CSTF3: variants seen among roughly 807,000 people sequenced by gnomAD.
CSTF3 encodes cleavage stimulation factor subunit 3.
A neutral mutation model predicts 105.8 loss-of-function variants in CSTF3; 29 were observed. The observed-to-expected ratio is 0.27, with a 90% confidence interval of 0.20 to 0.37. CSTF3 has a LOEUF of 0.37. CSTF3 is among the 10% of genes least tolerant of loss of function. CSTF3 has a pLI of 1.00. For synonymous variants in CSTF3, 252 were observed against 281.9 expected (o/e 0.89, Z 1.06); for missense variants, 357 against 879.3 (o/e 0.41, Z 7.51).
chr11:33,104,551 T>G (rs1160273330), intron 8 of CSTF3, among the ~76,000 whole-genome samples: 10 of 152,084 alleles, frequency 6.6e-5, no homozygotes, highest in Non-Finnish European at 1.0e-4. Flanking sequence ...GCGGGCTAAT[T>G]GCTTGAGCTC....
intron 1 of CSTF3, among the ~76,000 whole-genome samples, chr11:33,153,805 G>A (rs1994368): frequency 0.55 from 82,521 of 151,098 alleles, 25,020 homozygotes; most frequent in Non-Finnish European, 0.68. Context: ...CTGAAATTAA[G>A]TTAAAGTAGG....
chr11:33,114,459 A>G (rs1162290814), intron 3 of CSTF3, among the ~76,000 whole-genome samples: 3 of 76,950 alleles, frequency 3.9e-5, no homozygotes, highest in South Asian at 7.3e-4. Flanking sequence ...TCCCTTGGGG[A>G]AAAAAAAATC....
chr11:33,139,514 G>C (rs185074546), intron 3 of CSTF3, among the ~76,000 whole-genome samples: 1 of 151,722 alleles, frequency 6.6e-6, no homozygotes, highest in Non-Finnish European at 1.5e-5. Flanking sequence ...TGAGTGATAT[G>C]ATCAAAGAAA....
At chr11:33,154,279 T>G (rs558668583) in intron 1 of CSTF3, among the ~76,000 whole-genome samples, 1 of 152,172 alleles carries the variant, frequency 6.6e-6, no homozygotes, top group Non-Finnish European at 1.5e-5. Context: ...TTAAGAAATA[T>G]GTACCACCTC....
intron 18 of CSTF3, 64 bp downstream of exon 18, chr11:33,086,924 C>T (rs544167840): frequency 4.6e-5 from 73 of 1,587,354 alleles, no homozygotes; most frequent in Admixed American, 1.8e-4. Flanking sequence ...TTTACCCCCA[C>T]GCTTTGGATT....
chr11:33,109,201 GA>G (rs1396332608), intron 3 of CSTF3, among the ~76,000 whole-genome samples: 1 of 152,156 alleles, frequency 6.6e-6, no homozygotes, highest in Non-Finnish European at 1.5e-5. Context: ...TCTTTTCTTT[GA>G]GTATTTTCAT....
chr11:33,085,279 TTCCTC>T lies in CSTF3; in HGVS notation c.1957_1961del (p.Glu653SerfsTer23). On this transcript the variant is annotated frameshift_variant, in exon 21 of 21. Coordinates refer to ENST00000323959, the MANE Select transcript of CSTF3 (RefSeq NM_001326.3). LOFTEE classifies it high-confidence loss of function. ...CCCCACCAGTAATGATCCTCACAGC[TTCCTC>T]AACAGCTATTAAAACAAAACAACAA... The T allele has an allele frequency of 6.5e-7, 1 of 1,544,350 alleles. No individual in the cohort carries two copies. Among genetic ancestry groups the T allele is most frequent in the Non-Finnish European group, 8.7e-7 (1 of 1,149,224 alleles).
At chr11:33,090,155 G>A (rs906947037) in intron 17 of CSTF3, among the ~76,000 whole-genome samples, 2 of 152,106 alleles carry the variant, frequency 1.3e-5, no homozygotes, top group African/African-American at 4.8e-5. Flanking sequence ...TTTAAGATCT[G>A]TCAAAACATA....
intron 3 of CSTF3, among the ~76,000 whole-genome samples, chr11:33,122,890 T>C (rs1189068142): frequency 7.5e-6 from 1 of 132,762 alleles, no homozygotes; most frequent in African/African-American, 2.9e-5. Context: ...ACTCCAGCCT[T>C]GGCAACACAG....
At chr11:33,108,453 A>AT (rs749707269) in intron 3 of CSTF3, 35 bp from the exon 4 acceptor site, 12 of 1,397,084 alleles carry the variant, frequency 8.6e-6, no homozygotes, top group East Asian at 2.8e-5. Context: ...AATTAATACT[A>AT]TTTTTTTAGA....
chr11:33,133,224 T>C (rs1855619014), intron 3 of CSTF3, among the ~76,000 whole-genome samples: 1 of 152,312 alleles, frequency 6.6e-6, no homozygotes, highest in African/African-American at 2.4e-5. Flanking sequence ...TCAATAAACA[T>C]ATTGAAAAAC....
chr11:33,153,923 G>A (rs1036495247), intron 1 of CSTF3, among the ~76,000 whole-genome samples: 10 of 152,154 alleles, frequency 6.6e-5, no homozygotes, highest in African/African-American at 2.4e-4. Context: ...AGAAAAAGCA[G>A]AGTTGAGCCT....
chr11:33,138,744 C>G (rs909512173), intron 3 of CSTF3, among the ~76,000 whole-genome samples: 3 of 151,794 alleles, frequency 2.0e-5, no homozygotes, highest in Non-Finnish European at 4.4e-5. Flanking sequence ...ACTGTTAAAT[C>G]ATGTGACCTA....
rs1011717976 is a variant in CSTF3, at chr11:33,099,866, A to C, written c.827-149T>G. On this transcript the variant is annotated intron_variant, in intron 10 of 20. Transcript: ENST00000323959. The surrounding 1 kb of genome is among the most constrained non-coding windows in gnomAD (Gnocchi z 4.1). ...TTAGTGATTTCTGGCACCATCATCC[A>C]TCCAAGTTCCCTCCATCTATCCATC... is the stretch of plus-strand genomic sequence containing the variant. 4.0e-6 allele frequency: 2 copies of C among 500,088 alleles called. No individual in the cohort carries two copies. Among genetic ancestry groups the C allele is most frequent in the South Asian group, 5.7e-5 (2 of 35,276 alleles). The allele number at this position is 500,088 out of a possible 1,614,324, so 31.0% of individuals were successfully genotyped here.
At chr11:33,132,369 A>G (rs1019160761) in intron 3 of CSTF3, among the ~76,000 whole-genome samples, 2 of 152,056 alleles carry the variant, frequency 1.3e-5, no homozygotes, top group African/African-American at 4.8e-5. Context: ...ACTGAACTTG[A>G]ATAATAATTT....
chr11:33,129,521 T>C (rs1229546442), intron 3 of CSTF3, among the ~76,000 whole-genome samples: 1 of 151,992 alleles, frequency 6.6e-6, no homozygotes, highest in East Asian at 1.9e-4. Flanking sequence ...AACTGTACTA[T>C]TGAAAAAAAG....
At chr11:33,098,542 TG>T in intron 13 of CSTF3, 147 bp downstream of exon 13, 1 of 540,554 alleles carries the variant, frequency 1.8e-6, no homozygotes, top group Non-Finnish European at 3.2e-6. Flanking sequence ...CTATCTTAAT[TG>T]TGGTGGGGAT....
chr11:33,118,732 C>T (rs2133785387), intron 3 of CSTF3, among the ~76,000 whole-genome samples: 1 of 140,432 alleles, frequency 7.1e-6, no homozygotes, highest in Non-Finnish European at 1.6e-5. Flanking sequence ...AAATCAAGTT[C>T]ATAAACCTCT....
chr11:33,142,002 A>C lies in CSTF3; in HGVS notation c.28-16T>G. The C allele has an allele frequency of 6.2e-7, 1 of 1,613,572 alleles. No homozygotes were observed. Among genetic ancestry groups the C allele is most frequent in the Non-Finnish European group, 8.5e-7 (1 of 1,179,730 alleles). On this transcript the variant is annotated splice_polypyrimidine_tract_variant and intron_variant, in intron 1 of 20. Coordinates refer to ENST00000323959, the MANE Select transcript of CSTF3 (RefSeq NM_001326.3). ...ACTCAGCTGCCTGGGGAAAAAAAAC[A>C]ACAGTGAACTAAAGTTACTGTTTTA...
Sources: allele counts gnomAD v4.1 joint callset (sites outside exome capture counted in the v4.1 genomes callset), GRCh38; gene constraint gnomAD v4.1.1; non-coding constraint Gnocchi (gnomAD v3.1); transcripts MANE v1.5; gene names NCBI Gene and HGNC (gene_info 2026-07-23, HGNC 2026-07-21).